The following ZHX3 variants were observed in gnomAD, a reference collection of about 807,000 sequenced individuals.
The protein encoded by ZHX3 is zinc fingers and homeoboxes protein 3.
ZHX3 carries 20 observed loss-of-function variants against 64.5 expected under a neutral mutation model. That is an observed-to-expected ratio of 0.31 (90% CI 0.22 to 0.45). ZHX3 has a LOEUF of 0.45. Among genes scored for constraint, ZHX3 ranks in the 20% least tolerant of loss-of-function variants. The pLI, the probability that ZHX3 is intolerant of heterozygous loss-of-function variation, is 1.00. For synonymous variants in ZHX3, 423 were observed against 461.6 expected, an observed-to-expected ratio of 0.92 and a Z score of 1.07; for missense variants, 1,041 against 1,195.8, an observed-to-expected ratio of 0.87 and a Z score of 1.91.
intron 1 of ZHX3, among the ~76,000 whole-genome samples, chr20:41,292,721 A>G (rs896981758): frequency 1.3e-5 from 2 of 152,368 alleles, no homozygotes; most frequent in East Asian, 1.9e-4. Flanking sequence ...ATTTCTTATA[A>G]AAGAATTTTA....
At chr20:41,207,437 G>A (rs2038809578) in intron 2 of ZHX3, among the ~76,000 whole-genome samples, 1 of 152,116 alleles carries the variant, frequency 6.6e-6, no homozygotes, top group Non-Finnish European at 1.5e-5. Flanking sequence ...TGACCACATA[G>A]TTGGAAGTAA....
At chr20:41,306,804 G>T (rs534374288) in intron 1 of ZHX3, among the ~76,000 whole-genome samples, 1 of 152,248 alleles carries the variant, frequency 6.6e-6, no homozygotes, top group South Asian at 2.1e-4. Context: ...TCTGGGCCAG[G>T]GCCCCATTTC....
At chr20:41,302,207 CT>C (rs2044844840) in intron 1 of ZHX3, among the ~76,000 whole-genome samples, 1 of 152,136 alleles carries the variant, frequency 6.6e-6, no homozygotes, top group Non-Finnish European at 1.5e-5. Flanking sequence ...CTAGTAGGGG[CT>C]TTGATGTCAA....
At chr20:41,296,493 A>T (rs987309495) in intron 1 of ZHX3, among the ~76,000 whole-genome samples, 8 of 152,160 alleles carry the variant, frequency 5.3e-5, no homozygotes, top group African/African-American at 1.9e-4. Context: ...CCAAAAGGTG[A>T]TGTCACAAGA....
rs2045327869 is a variant in ZHX3, at chr20:41,317,645, T to G, written c.-381A>C. The stretch of plus-strand genomic sequence containing the variant: ...CGGCGGCGACGCCGGAGCCGCGGAC[T>G]GCTGAGCGGCGGGGACGCAGCTGCA... On this transcript the variant is annotated 5_prime_UTR_variant, in exon 1 of 4. Transcript: ENST00000683867. 6.7e-6 allele frequency: 1 copy of G among 149,902 alleles called. No individual in the cohort carries two copies. The highest frequency in any genetic ancestry group is 1.5e-5 in the Non-Finnish European group (1 of 67,306). 9.3% of individuals were successfully genotyped at this position (149,902 alleles called of 1,614,324 possible).
chr20:41,294,351 T>C (rs548940139), intron 1 of ZHX3, among the ~76,000 whole-genome samples: 2 of 152,308 alleles, frequency 1.3e-5, no homozygotes, highest in South Asian at 2.1e-4. Flanking sequence ...AGTTCTCATT[T>C]AGTAATAGTT....
chr20:41,292,238 G>C lies in ZHX3; in HGVS notation c.-244-23155C>G, dbSNP rs187300816. 9.4e-3 allele frequency among the ~76,000 whole-genome samples: 1,426 copies of C among 152,120 alleles called. 11 individuals carry two copies. The highest frequency in any genetic ancestry group is 0.015 in the Non-Finnish European group (1,042 of 68,008). On this transcript the variant is annotated intron_variant, in intron 1 of 3. Transcript: ENST00000683867. ...TGTCTAGTTACAGGATTCAACTTTT[G>C]TGACACATTAGGAAGACACTGTCTC...
At chr20:41,264,460 G>C (rs2042730903) in intron 2 of ZHX3, among the ~76,000 whole-genome samples, 1 of 147,806 alleles carries the variant, frequency 6.8e-6, no homozygotes, top group Non-Finnish European at 1.5e-5. Context: ...TTGGGAGGCT[G>C]AGATGGGAGA....
chr20:41,196,683 C>T (rs2037731271), intron 3 of ZHX3: 1 of 168,406 alleles, frequency 5.9e-6, no homozygotes, highest in South Asian at 1.3e-4. Flanking sequence ...AAAGAGGACA[C>T]TGGAGGTGAA....
intron 1 of ZHX3, among the ~76,000 whole-genome samples, chr20:41,272,896 T>G (rs1239607986): frequency 6.6e-6 from 1 of 152,052 alleles, no homozygotes; most frequent in Non-Finnish European, 1.5e-5. Flanking sequence ...TAAACAGGAG[T>G]GGAATTGCTG....
rs2038407347 is a variant in ZHX3, at chr20:41,203,268, C to T, written c.1649G>A (p.Arg550Gln). 4 of 1,614,134 alleles carry T rather than the reference C, an allele frequency of 2.5e-6. No homozygotes were observed. Among genetic ancestry groups the T allele is most frequent in the South Asian group, 2.2e-5 (2 of 91,076 alleles). ...CATCGCTCTGGAGCCCTTCAAGTTC[C>T]GGCAGTGGTATCTACGATCACTGAA... ...KWFSDRRYHC[R>Q]NLKGSRAMIP... The change falls in exon 3 of 4, where the codon CGG (arginine) becomes CAG (glutamine). Residue 550 changes from arginine to glutamine, a missense_variant. By Grantham distance (43) the Arg-to-Gln change is conservative. This residue lies in a region of ZHX3 where 649 missense variants were observed against 739.8 expected (regional missense o/e 0.88). Transcript: ENST00000683867. This position sits in a 1 kb window ranked among gnomAD's most constrained non-coding sequence, Gnocchi z 7.1.
chr20:41,291,469 G>T (rs1262494122), intron 1 of ZHX3, among the ~76,000 whole-genome samples: 5 of 152,116 alleles, frequency 3.3e-5, no homozygotes, highest in African/African-American at 1.2e-4. Context: ...CGAAGACGCA[G>T]TAATTATGAT....
At chr20:41,275,279 G>A (rs554782926) in intron 1 of ZHX3, among the ~76,000 whole-genome samples, 7 of 152,274 alleles carry the variant, frequency 4.6e-5, no homozygotes, top group Admixed American at 2.0e-4. Flanking sequence ...TATATTTTGC[G>A]ATCTATAATG....
intron 2 of ZHX3, among the ~76,000 whole-genome samples, chr20:41,265,657 G>A (rs994068698): frequency 6.6e-6 from 1 of 152,160 alleles, no homozygotes; most frequent in Non-Finnish European, 1.5e-5. Flanking sequence ...CAGAGTCTCT[G>A]AGGGTGAGAC....
rs2038245075 is a variant in ZHX3, at chr20:41,201,853, A to C, written c.2860+204T>G. Among the ~76,000 whole-genome samples the C allele has an allele frequency of 6.6e-6, 1 of 152,212 alleles. No homozygotes were observed. The highest frequency in any genetic ancestry group is 2.4e-5 in the African/African-American group (1 of 41,458). The stretch of plus-strand genomic sequence containing the variant: ...GCAGGTTTTTAAAAACACATGAAAC[A>C]AAAAACAGCTCTCAACCGTTTATCA... On this transcript the variant is annotated intron_variant, in intron 3 of 3. Coordinates refer to ENST00000683867, the MANE Select transcript of ZHX3 (RefSeq NM_001384317.1). This position sits in a 1 kb window ranked among gnomAD's most constrained non-coding sequence, Gnocchi z 5.0.
At position 41,226,123 on chromosome 20, in the gene ZHX3, C is replaced by T. The variant is rs761341483; in HGVS notation, c.-150-21057G>A. 3.9e-5 allele frequency among the ~76,000 whole-genome samples: 6 copies of T among 152,038 alleles called. No homozygotes were observed. Among genetic ancestry groups the T allele is most frequent in the Non-Finnish European group, 7.4e-5 (5 of 67,994 alleles). ...AAAAAAGTACTTATCTTGGGCTGGG[C>T]GCGGTGGCTCACACCTGTAATCCCA... On this transcript the variant is annotated intron_variant, in intron 2 of 3. Transcript: ENST00000683867. This position sits in a 1 kb window ranked among gnomAD's most constrained non-coding sequence, Gnocchi z 4.4.
At chr20:41,310,491 C>T (rs2045099127) in intron 1 of ZHX3, among the ~76,000 whole-genome samples, 1 of 152,160 alleles carries the variant, frequency 6.6e-6, no homozygotes, top group Non-Finnish European at 1.5e-5. Context: ...AGCTGTCAAG[C>T]CCATTATGCT....
At chr20:41,216,090 T>G (rs1469689967) in intron 2 of ZHX3, among the ~76,000 whole-genome samples, 1 of 152,194 alleles carries the variant, frequency 6.6e-6, no homozygotes, top group East Asian at 1.9e-4. Context: ...ATGAGGTTGA[T>G]CTGACAGACA....
intron 2 of ZHX3, among the ~76,000 whole-genome samples, chr20:41,213,337 G>A (rs913367208): frequency 2.6e-5 from 4 of 152,106 alleles, no homozygotes; most frequent in African/African-American, 7.2e-5. Context: ...GAAAGGTAGA[G>A]GACAGTAAAT....
Sources: allele counts gnomAD v4.1 joint callset (sites outside exome capture counted in the v4.1 genomes callset), GRCh38; gene constraint gnomAD v4.1.1; regional missense constraint gnomAD v4.1.1; non-coding constraint Gnocchi (gnomAD v3.1); transcripts MANE v1.5; gene names NCBI Gene and HGNC (gene_info 2026-07-23, HGNC 2026-07-21).